SLC44A5: variants seen among roughly 807,000 people sequenced by gnomAD.
The protein encoded by SLC44A5 is choline transporter-like protein 5.
A neutral mutation model predicts 101.8 loss-of-function variants in SLC44A5; 57 were observed. That is an observed-to-expected ratio of 0.56 (90% CI 0.45 to 0.70). The LOEUF is 0.70. Among genes scored for constraint, SLC44A5 ranks in the 30% least tolerant of loss-of-function variants. The pLI is 0.00. For synonymous variants in SLC44A5, 281 were observed against 290.9 expected (o/e 0.97, Z 0.35); for missense variants, 737 against 853.1 (o/e 0.86, Z 1.70).
chr1:75,419,257 T>C (rs1182361349), intron 2 of SLC44A5, among the ~76,000 whole-genome samples: 2 of 151,952 alleles, frequency 1.3e-5, no homozygotes, highest in Non-Finnish European at 2.9e-5. Flanking sequence ...AAGCCAAGAA[T>C]TTCATCAAAC....
chr1:75,719,087 C>A, the SLC44A5 span, among the ~76,000 whole-genome samples: 3 of 152,144 alleles, frequency 2.0e-5, no homozygotes, highest in Non-Finnish European at 4.4e-5. Context: ...AAGTTGACTG[C>A]AGAGAGCCAA....
At chr1:75,511,845 G>A (rs1015511607) in intron 2 of SLC44A5, among the ~76,000 whole-genome samples, 1 of 152,168 alleles carries the variant, frequency 6.6e-6, no homozygotes, top group African/African-American at 2.4e-5. Flanking sequence ...CTCGCCATTA[G>A]GGTCAAGCCA....
chr1:75,222,425 G>A lies in SLC44A5; in HGVS notation c.1021C>T (p.Leu341Phe). ...ILCIIEVIVILMLIFLRNRIR... is the reference protein window; with the variant it reads ...ILCIIEVIVIFMLIFLRNRIR... ...CGATTCCTGAGGAAGATCAGCATGA[G>A]GATGACAATCACTTCAATGATGCAG... is the stretch of plus-strand genomic sequence containing the variant. The change falls in exon 14 of 24, where the codon CTC (leucine) becomes TTC (phenylalanine). Residue 341 changes from leucine (L) to phenylalanine (F), a missense_variant. Leu to Phe is a conservative substitution (Grantham distance 22). This residue lies in a region of SLC44A5 where 665 missense variants were observed against 764.4 expected (regional missense o/e 0.87). Coordinates refer to ENST00000370859, the MANE Select transcript of SLC44A5 (RefSeq NM_001130058.2). 1 of 1,613,294 alleles carries A rather than the reference G, an allele frequency of 6.2e-7. No individual in the cohort carries two copies. Among genetic ancestry groups the A allele is most frequent in the Non-Finnish European group, 8.5e-7 (1 of 1,179,744 alleles).
intron 9 of SLC44A5, among the ~76,000 whole-genome samples, chr1:75,239,222 A>G (rs115786876): frequency 0.01 from 1,556 of 152,182 alleles, 36 homozygotes; most frequent in African/African-American, 0.036. Flanking sequence ...AAACTATCAA[A>G]AGAGGCCTAC....
chr1:75,373,834 G>A (rs1169437997), intron 3 of SLC44A5, among the ~76,000 whole-genome samples: 4 of 152,056 alleles, frequency 2.6e-5, no homozygotes, highest in Non-Finnish European at 5.9e-5. Context: ...GGGTTCAGAG[G>A]ACAAAACTAC....
At chr1:75,449,999 CA>C (rs375914335) in intron 2 of SLC44A5, among the ~76,000 whole-genome samples, 129 of 145,850 alleles carry the variant, frequency 8.8e-4, no homozygotes, top group Admixed American at 2.0e-3. Flanking sequence ...GACTCTATCT[CA>C]AAAAAAAAAA....
At chr1:75,480,271 C>T (rs1667752066) in intron 2 of SLC44A5, among the ~76,000 whole-genome samples, 1 of 152,110 alleles carries the variant, frequency 6.6e-6, no homozygotes, top group Non-Finnish European at 1.5e-5. Flanking sequence ...TAAGAGCTAT[C>T]TATGACAAAC....
At chr1:75,390,419 A>T (rs912243627) in intron 3 of SLC44A5, among the ~76,000 whole-genome samples, 5 of 151,780 alleles carry the variant, frequency 3.3e-5, no homozygotes, top group African/African-American at 1.2e-4. Flanking sequence ...ACAAAAAAAA[A>T]AAAAAAATGA....
chr1:75,724,003 G>A, the SLC44A5 span: 1 of 152,126 alleles, frequency 6.6e-6, no homozygotes, highest in Non-Finnish European at 1.5e-5. Context: ...TCCTCAGGGA[G>A]ACATTCACTT....
intron 2 of SLC44A5, among the ~76,000 whole-genome samples, chr1:75,501,388 A>G (rs1055993919): frequency 4.6e-5 from 7 of 152,174 alleles, no homozygotes; most frequent in Admixed American, 4.6e-4. Flanking sequence ...ATAGATAATA[A>G]ATCAGATATT....
At chr1:75,674,186 A>C in the SLC44A5 span, among the ~76,000 whole-genome samples, 5 of 152,168 alleles carry the variant, frequency 3.3e-5, no homozygotes, top group Non-Finnish European at 1.5e-5. Context: ...AGGAATTCAG[A>C]TTCCTATCAG....
At chr1:75,205,364 A>G (rs909759405) in intron 23 of SLC44A5, 4 of 152,242 alleles carry the variant, frequency 2.6e-5, no homozygotes, top group Non-Finnish European at 5.9e-5. Context: ...TTAAGGTAAA[A>G]GCCAAGAAAA....
intron 4 of SLC44A5, among the ~76,000 whole-genome samples, chr1:75,323,421 T>C (rs1392459226): frequency 9.2e-5 from 14 of 152,192 alleles, no homozygotes; most frequent in African/African-American, 3.1e-4. Flanking sequence ...TGTGTCTTTA[T>C]AGCAGCATGA....
chr1:75,492,078 G>A (rs552763091), intron 2 of SLC44A5, among the ~76,000 whole-genome samples: 50 of 152,244 alleles, frequency 3.3e-4, no homozygotes, highest in Admixed American at 2.0e-3. Flanking sequence ...TGAAAACAGG[G>A]ATGTGCCGGG....
intron 5 of SLC44A5, among the ~76,000 whole-genome samples, chr1:75,278,244 A>T (rs1164874405): frequency 8.1e-6 from 1 of 124,166 alleles, no homozygotes. Context: ...AAATATATTA[A>T]GTTATTATTA....
chr1:75,275,953 A>G (rs1651882573), intron 5 of SLC44A5, among the ~76,000 whole-genome samples: 1 of 152,044 alleles, frequency 6.6e-6, no homozygotes, highest in African/African-American at 2.4e-5. Flanking sequence ...CCCTCCCCAC[A>G]TTTATTGGAT....
At chr1:75,414,324 TACACACAC>T (rs35421682) in intron 2 of SLC44A5, among the ~76,000 whole-genome samples, 34 of 146,084 alleles carry the variant, frequency 2.3e-4, no homozygotes, top group African/African-American at 4.5e-4. Context: ...CATATCCACA[TACACACAC>T]ACACACACAC....
intron 1 of SLC44A5, among the ~76,000 whole-genome samples, chr1:75,573,546 T>C (rs1299624545): frequency 6.6e-6 from 1 of 152,164 alleles, no homozygotes; most frequent in Non-Finnish European, 1.5e-5. Flanking sequence ...CACAGATAAA[T>C]GAAAATATTC....
intron 2 of SLC44A5, among the ~76,000 whole-genome samples, chr1:75,525,447 A>G (rs987073771): frequency 6.6e-6 from 1 of 152,200 alleles, no homozygotes; most frequent in African/African-American, 2.4e-5. Context: ...GTATAAGAAC[A>G]AGGAGAACCA....
Sources: allele counts gnomAD v4.1 joint callset (sites outside exome capture counted in the v4.1 genomes callset), GRCh38; gene constraint gnomAD v4.1.1; regional missense constraint gnomAD v4.1.1; transcripts MANE v1.5; gene names NCBI Gene and HGNC (gene_info 2026-07-23, HGNC 2026-07-21).